The following SYCP2 variants were observed in gnomAD, a reference collection of about 807,000 sequenced individuals.
SYCP2 encodes the protein synaptonemal complex protein 2.
In SYCP2, 55 loss-of-function variants were observed where a neutral mutation model predicts 211.3. The observed-to-expected ratio is 0.26, with a 90% CI of 0.21 to 0.33. The LOEUF is 0.33. Ranked by LOEUF, SYCP2 falls within the 10% of genes least tolerant of loss-of-function variation. The probability of loss-of-function intolerance (pLI) is 1.00; values close to 1 mark genes in which losing one functional copy is unlikely to be tolerated. For synonymous variants in SYCP2, 570 were observed against 555.2 expected (o/e 1.03, Z -0.37); for missense variants, 1,731 against 1,752.0 (o/e 0.99, Z 0.21).
intron 2 of SYCP2, among the ~76,000 whole-genome samples, chr20:59,928,223 T>G (rs959353356): frequency 6.6e-6 from 1 of 152,210 alleles, no homozygotes; most frequent in Non-Finnish European, 1.5e-5. Context: ...AACATAAATA[T>G]CTACAGTGTT....
intron 32 of SYCP2, among the ~76,000 whole-genome samples, chr20:59,877,757 T>A (rs2059588939): frequency 6.6e-6 from 1 of 152,108 alleles, no homozygotes; most frequent in Admixed American, 6.6e-5. Flanking sequence ...TACCATTAAG[T>A]CCCTGAGAAG....
At chr20:59,886,933 A>G (rs1384479614) in intron 24 of SYCP2, 99 bp from the exon 25 acceptor site, 3 of 876,362 alleles carry the variant, frequency 3.4e-6, no homozygotes, top group East Asian at 2.9e-5. Flanking sequence ...GGTTCTATTT[A>G]TACCTGCGGA....
intron 24 of SYCP2, 84 bp downstream of exon 24, chr20:59,891,905 GC>G: frequency 8.5e-7 from 1 of 1,171,248 alleles, no homozygotes; most frequent in South Asian, 1.6e-5. Flanking sequence ...TAAATGTGTA[GC>G]AATTAATCAA....
intron 35 of SYCP2, among the ~76,000 whole-genome samples, chr20:59,871,307 AAAC>A (rs1320623340): frequency 5.3e-5 from 8 of 151,946 alleles, no homozygotes; most frequent in Non-Finnish European, 5.9e-5. Context: ...GCAAAAACAG[AAAC>A]AACTGATAAC....
In SYCP2 at chr20:59,886,796, T is replaced by C; in HGVS notation, c.2403A>G (p.Ala801=). 6.3e-7 allele frequency: 1 copy of C among 1,592,528 alleles called. No homozygotes were observed. The highest frequency in any genetic ancestry group is 8.5e-7 in the Non-Finnish European group (1 of 1,173,286). Residue 801 remains alanine, a synonymous_variant, in exon 25 of 45, where the codon GCA becomes GCG. Coordinates refer to ENST00000357552, the MANE Select transcript of SYCP2 (RefSeq NM_014258.4). The part of the protein sequence containing the change: ...KSKGKEFTNV[A]ESLISQINKR... ...TATTGATTTGGCTTATCAAGGATTC[T>C]GCTACATTGGTAAATTCTTTCCCTT...
chr20:59,925,984 A>C (rs1419270756), intron 2 of SYCP2, among the ~76,000 whole-genome samples: 3 of 152,054 alleles, frequency 2.0e-5, no homozygotes, highest in Non-Finnish European at 4.4e-5. Flanking sequence ...TAGGCTCAGA[A>C]TTCTTCCTAA....
At chr20:59,878,694 C>T (rs1290894141) in intron 31 of SYCP2, among the ~76,000 whole-genome samples, 2 of 152,044 alleles carry the variant, frequency 1.3e-5, no homozygotes, top group Non-Finnish European at 2.9e-5. Context: ...AATCTCTAAA[C>T]AATATAATGA....
rs2145647927 is a variant in SYCP2, at chr20:59,877,371, C to T, written c.3150+14G>A. ...AGAGGCTTTTAGAAATTAATCTGAA[C>T]TGTATCTATTTACCTTTACTGGTAT... is the stretch of plus-strand genomic sequence containing the variant. On this transcript the variant is annotated intron_variant, in intron 33 of 44. Coordinates refer to ENST00000357552, the MANE Select transcript of SYCP2 (RefSeq NM_014258.4). 6.6e-7 allele frequency: 1 copy of T among 1,520,684 alleles called. No homozygotes were observed. The allele number at this position is 1,520,684 out of a possible 1,614,324, so 94.2% of individuals were successfully genotyped here.
At chr20:59,913,498 A>C (rs1469761094) in intron 12 of SYCP2, among the ~76,000 whole-genome samples, 1 of 152,176 alleles carries the variant, frequency 6.6e-6, no homozygotes, top group Non-Finnish European at 1.5e-5. Context: ...TATATTACAC[A>C]TCCTTTCATG....
chr20:59,915,916 T>C (rs182854941), intron 8 of SYCP2, among the ~76,000 whole-genome samples: 3 of 152,056 alleles, frequency 2.0e-5, no homozygotes, highest in Non-Finnish European at 4.4e-5. Context: ...CGCTTGAACC[T>C]GGGAGGCAGA....
chr20:59,873,776 A>T (rs6027158), intron 35 of SYCP2, 80 bp downstream of exon 35: 1 of 1,229,930 alleles, frequency 8.1e-7, no homozygotes, highest in African/African-American at 1.5e-5. Flanking sequence ...AGCAATGTGT[A>T]TCTGATTAAG....
rs574635277 is a variant in SYCP2 at position 59,864,330 on chromosome 20, T to A, written c.4574A>T (p.Glu1525Val). 7.5e-6 allele frequency: 12 copies of A among 1,605,628 alleles called. No individual in the cohort carries two copies. The African/African-American group carries it at 1.2e-4, about 16-fold the overall frequency. Residue 1525 changes from glutamate (E) to valine (V), a missense_variant, in exon 45 of 45, where the codon GAA becomes GTA. Glu to Val is a moderately radical substitution (Grantham distance 121). Transcript: ENST00000357552. ...RELMSVFMSHERNANV is the reference protein window; with the variant it reads ...RELMSVFMSHVRNANV ...TAGATTTCACACATTAGCATTTCTT[T>A]CATGAGACATGAATACTGACATCAG...
intron 19 of SYCP2, 40 bp downstream of exon 19, chr20:59,896,388 TA>T: frequency 8.4e-7 from 1 of 1,191,570 alleles, no homozygotes. Flanking sequence ...ATGCCTCCTT[TA>T]AAATAATTGT....
At chr20:59,875,517 C>T in intron 33 of SYCP2, 48 bp from the exon 34 acceptor site, 4 of 1,379,398 alleles carry the variant, frequency 2.9e-6, no homozygotes, top group Non-Finnish European at 4.0e-6. Flanking sequence ...CAAATATTTA[C>T]ACTTGGACAC....
chr20:59,919,863 A>G (rs752585338), intron 5 of SYCP2, among the ~76,000 whole-genome samples: 2 of 151,670 alleles, frequency 1.3e-5, no homozygotes, highest in African/African-American at 2.4e-5. Flanking sequence ...TAGTTAGGGT[A>G]CGTTTATTAT....
At chr20:59,882,855 T>TA (rs1313331652) in intron 26 of SYCP2, among the ~76,000 whole-genome samples, 89 of 152,182 alleles carry the variant, frequency 5.8e-4, no homozygotes, top group African/African-American at 2.1e-3. Flanking sequence ...TTAAAAATGA[T>TA]AAAGATGGTA....
In SYCP2 at chr20:59,865,611, A is replaced by C; in HGVS notation, c.4420T>G (p.Cys1474Gly). 6.2e-7 allele frequency: 1 copy of C among 1,605,498 alleles called. No individual in the cohort carries two copies. Among genetic ancestry groups the C allele is most frequent in the South Asian group, 1.1e-5 (1 of 89,264 alleles). ...LKTSLAKSVF[C>G]NTDSEETVFT... is the part of the protein sequence containing the mutation. ...ACAGTTTCTTCACTATCAGTATTACAGAAGACACTTTTAGCCAATGAAGTT... is the reference window on the plus strand; with the variant it reads ...ACAGTTTCTTCACTATCAGTATTACCGAAGACACTTTTAGCCAATGAAGTT... Residue 1474 changes from cysteine (C) to glycine (G), a missense_variant, in exon 43 of 45, where the codon TGT becomes GGT. Physicochemically the swap from Cys to Gly is radical, Grantham distance 159. Coordinates refer to ENST00000357552, the MANE Select transcript of SYCP2 (RefSeq NM_014258.4).
chr20:59,895,058 T>C (rs1431553452), intron 20 of SYCP2, among the ~76,000 whole-genome samples: 4 of 152,108 alleles, frequency 2.6e-5, no homozygotes, highest in African/African-American at 9.7e-5. Context: ...CTTATGTAAC[T>C]TAGTATCTAA....
At chr20:59,897,933 CAAACAAAAACAA>C (rs1020870151) in intron 18 of SYCP2, among the ~76,000 whole-genome samples, 2 of 151,884 alleles carry the variant, frequency 1.3e-5, no homozygotes, top group African/African-American at 4.8e-5. Flanking sequence ...ACAACAACAA[CAAACAAAAACAA>C]AAACAAAAAT....
Sources: gnomAD v4.1 joint callset for allele counts (sites outside exome capture counted in the v4.1 genomes callset) on GRCh38, gnomAD v4.1.1 for gene constraint, MANE v1.5 for transcripts, NCBI Gene and HGNC (gene_info 2026-07-23, HGNC 2026-07-21) for gene names.